The following CPNE3 variants were observed in gnomAD, a reference collection of about 807,000 sequenced individuals.
The protein encoded by CPNE3 is copine-3.
CPNE3 carries 68 observed loss-of-function variants against 63.9 expected under a neutral mutation model. The ratio of observed to expected loss-of-function variants is 1.06; its 90% confidence interval spans 0.87 to 1.30. CPNE3 has a LOEUF of 1.30. Ranked by LOEUF, CPNE3 falls within the 50% of genes most tolerant of loss-of-function variation. The pLI, the probability that CPNE3 is intolerant of heterozygous loss-of-function variation, is 0.00. For missense variants in CPNE3, 665 were observed against 578.1 expected, an observed-to-expected ratio of 1.15 and a Z score of -1.54; for synonymous variants, 219 against 197.5, an observed-to-expected ratio of 1.11 and a Z score of -0.91.
At chr8:86,517,780 G>C (rs987948944) in intron 2 of CPNE3, among the ~76,000 whole-genome samples, 1 of 152,132 alleles carries the variant, frequency 6.6e-6, no homozygotes, top group African/African-American at 2.4e-5. Context: ...TCCCTGATGG[G>C]GATGGTGGCC....
Position 86,553,749 on chromosome 8 carries a change from G to GTTT in CPNE3, c.1121-1087_1121-1085dup, listed in dbSNP as rs35185836. Among the ~76,000 whole-genome samples, 110 of 137,706 alleles carry GTTT rather than the reference G, an allele frequency of 8.0e-4. 1 individual carries two copies. The highest frequency in any genetic ancestry group is 2.2e-3 in the East Asian group (10 of 4,630). The allele number at this position is 137,706 out of a possible 152,430, so 90.3% of individuals were successfully genotyped here. A position where few individuals can be genotyped will look rare whatever the true frequency, so the allele number is the denominator to read the frequency against. The stretch of plus-strand genomic sequence containing the variant: ...AGAGACCTGTTTTGATTTACATTAA[G>GTTT]TTTTTTTTTTTTTTTTTGTGGCAAG... On this transcript the variant is annotated intron_variant, in intron 14 of 16. Coordinates refer to ENST00000517490, the MANE Select transcript of CPNE3 (RefSeq NM_003909.5).
Position 86,529,063 on chromosome 8 carries a change from A to G in CPNE3, c.251A>G (p.Asn84Ser). The change falls in exon 4 of 17, where the codon AAC becomes AGC. Residue 84 changes from asparagine to serine, a missense_variant. Asn to Ser is a conservative substitution (Grantham distance 46, BLOSUM62 1). Coordinates refer to ENST00000517490, the MANE Select transcript of CPNE3 (RefSeq NM_003909.5). ...KLKFGVYDID[N>S]KTIELSDDDF... The stretch of plus-strand genomic sequence containing the variant: ...AAATTTGGGGTTTATGACATCGACA[A>G]CAAAACTATTGAGCTGAGTGATGAT... 1 of 1,614,080 alleles carries G rather than the reference A, an allele frequency of 6.2e-7. No homozygotes were observed. Among genetic ancestry groups the G allele is most frequent in the Non-Finnish European group, 8.5e-7 (1 of 1,179,984 alleles).
rs892563018 is a variant in CPNE3 at position 86,560,117 on chromosome 8, C to G, written c.*1707C>G. On this transcript the variant is annotated 3_prime_UTR_variant, in exon 17 of 17. Transcript: ENST00000517490. ...ACTGGGGAAGGCATCTAACTAGTAG[C>G]CTGCTACTCCATAGTATGGCTCAAT... The G allele has an allele frequency of 6.6e-6, 1 of 152,150 alleles. No homozygotes were observed. The highest frequency in any genetic ancestry group is 2.4e-5 in the African/African-American group (1 of 41,418). 9.4% of individuals were successfully genotyped at this position (152,150 alleles called of 1,614,324 possible). A position where few individuals can be genotyped will look rare whatever the true frequency, so the allele number is the denominator to read the frequency against.
rs964993070 is a variant in CPNE3, at chr8:86,531,013, A to G, written c.313-142A>G. On this transcript the variant is annotated intron_variant, in intron 4 of 16. Transcript: ENST00000517490. ...GGCTCTAAATATGTAGATGATCTAA[A>G]TCTTTAAGAAACCAACTGAATGTTT... The G allele has an allele frequency of 9.8e-6, 6 of 611,012 alleles. No homozygotes were observed. In the African/African-American group the frequency reaches 1.1e-4, roughly 11 times the overall value. 37.8% of individuals were successfully genotyped at this position (611,012 alleles called of 1,614,324 possible). A position where few individuals can be genotyped will look rare whatever the true frequency, so the allele number is the denominator to read the frequency against.
chr8:86,545,986 A>G (rs532112579), intron 9 of CPNE3, among the ~76,000 whole-genome samples: 7 of 152,276 alleles, frequency 4.6e-5, no homozygotes, highest in Non-Finnish European at 1.0e-4. Context: ...ACTTGAGCCA[A>G]GCCCTAAAGA....
Position 86,547,717 on chromosome 8 carries a change from G to A in CPNE3, c.826G>A (p.Val276Ile), listed in dbSNP as rs1195710899. ...VISVKQCEIT[V>I]ECTFLDYIMG... ...AGTTTTCTCTTATTTTTAGATTACAGTAGAATGCACATTCCTTGACTATAT... is the reference window on the plus strand; with the variant it reads ...AGTTTTCTCTTATTTTTAGATTACAATAGAATGCACATTCCTTGACTATAT... The change falls in exon 11 of 17, where the codon GTA becomes ATA. Residue 276 changes from valine (V) to isoleucine (I), a missense_variant. Physicochemically the swap from Val to Ile is conservative, Grantham distance 29. Transcript: ENST00000517490. 1.6e-6 allele frequency: 2 copies of A among 1,255,696 alleles called. No homozygotes were observed. The highest frequency in any genetic ancestry group is 1.2e-5 in the South Asian group (1 of 82,236). 77.8% of individuals were successfully genotyped at this position (1,255,696 alleles called of 1,614,324 possible). A position where few individuals can be genotyped will look rare whatever the true frequency, so the allele number is the denominator to read the frequency against.
intron 4 of CPNE3, among the ~76,000 whole-genome samples, 168 bp downstream of exon 4, chr8:86,529,292 A>C (rs1446067496): frequency 6.6e-6 from 1 of 152,182 alleles, no homozygotes; most frequent in Non-Finnish European, 1.5e-5. Flanking sequence ...AATTCATCTT[A>C]TATTTTGTAT....
Position 86,559,071 on chromosome 8 carries a change from A to C in CPNE3, c.*661A>C, listed in dbSNP as rs922610753. 2 of 152,192 alleles carry C rather than the reference A, an allele frequency of 1.3e-5. No homozygotes were observed. The allele number at this position is 152,192 out of a possible 1,614,324, so 9.4% of individuals were successfully genotyped here. On this transcript the variant is annotated 3_prime_UTR_variant, in exon 17 of 17. Transcript: ENST00000517490. Reference sequence around the variant, plus strand: ...ACAATCAACAAGTAAAAATAACCTCATGTAAGTAAGCCATTTTTATTTGCC... The same window carrying C: ...ACAATCAACAAGTAAAAATAACCTCCTGTAAGTAAGCCATTTTTATTTGCC...
In CPNE3 at chr8:86,559,584, GA is replaced by G. The variant is rs1329188764; in HGVS notation, c.*1180del. ...CCTACTGCAACTTAGAAAAAGGAAA[GA>G]AAAAAGAAAACTTTTCCAACTGCTG... On this transcript the variant is annotated 3_prime_UTR_variant, in exon 17 of 17. Transcript: ENST00000517490. 6.6e-6 allele frequency: 1 copy of G among 150,506 alleles called. No individual in the cohort carries two copies. Among genetic ancestry groups the G allele is most frequent in the Non-Finnish European group, 1.5e-5 (1 of 67,696 alleles). 9.3% of individuals were successfully genotyped at this position (150,506 alleles called of 1,614,324 possible).
intron 10 of CPNE3, 36 bp from the exon 11 acceptor site, chr8:86,547,675 G>A (rs780681599): frequency 2.3e-6 from 2 of 877,012 alleles, no homozygotes; most frequent in African/African-American, 1.7e-5. Flanking sequence ...TTGTATAGTA[G>A]GAGAGTTGTA....
intron 6 of CPNE3, among the ~76,000 whole-genome samples, chr8:86,535,234 A>G (rs1292029987): frequency 6.6e-6 from 1 of 152,158 alleles, no homozygotes; most frequent in African/African-American, 2.4e-5. Context: ...TTTAGAGACC[A>G]CAGTCCACTG....
intron 8 of CPNE3, among the ~76,000 whole-genome samples, chr8:86,541,238 C>T (rs1043200290): frequency 2.0e-5 from 3 of 152,184 alleles, no homozygotes; most frequent in African/African-American, 7.2e-5. Context: ...GGTAACCACA[C>T]TTCTTCACAT....
At chr8:86,528,116 T>C (rs184793725) in intron 2 of CPNE3, among the ~76,000 whole-genome samples, 3 of 151,720 alleles carry the variant, frequency 2.0e-5, no homozygotes, top group Admixed American at 2.0e-4. Context: ...GCTTGGCTAA[T>C]TTTTTTTATT....
intron 16 of CPNE3, among the ~76,000 whole-genome samples, chr8:86,556,720 G>C (rs1821334344): frequency 1.3e-5 from 2 of 152,118 alleles, no homozygotes; most frequent in Non-Finnish European, 2.9e-5. Context: ...CAGAGCTATA[G>C]TACAGAATCA....
At chr8:86,516,700 T>G (rs1820320389) in intron 2 of CPNE3, among the ~76,000 whole-genome samples, 1 of 152,210 alleles carries the variant, frequency 6.6e-6, no homozygotes, top group Non-Finnish European at 1.5e-5. Flanking sequence ...CTATCAATTC[T>G]TGGTATGGCT....
intron 14 of CPNE3, among the ~76,000 whole-genome samples, chr8:86,552,422 T>A (rs1452681755): frequency 1.3e-5 from 2 of 152,198 alleles, no homozygotes; most frequent in Non-Finnish European, 2.9e-5. Flanking sequence ...GAAATATGCT[T>A]CATTTTTATA....
At chr8:86,539,798 G>C (rs1044204553) in intron 7 of CPNE3, among the ~76,000 whole-genome samples, 24 of 151,428 alleles carry the variant, frequency 1.6e-4, no homozygotes, top group African/African-American at 5.3e-4. Flanking sequence ...GAGTAGCTAG[G>C]ATTATAGGCA....
chr8:86,552,405 T>C (rs1821201698), intron 14 of CPNE3, among the ~76,000 whole-genome samples: 1 of 152,214 alleles, frequency 6.6e-6, no homozygotes, highest in Non-Finnish European at 1.5e-5. Context: ...AATGTTATTC[T>C]TTTTAAGAAA....
intron 9 of CPNE3, 51 bp from the exon 10 acceptor site, chr8:86,546,544 A>T (rs762730816): frequency 3.2e-6 from 5 of 1,571,466 alleles, no homozygotes; most frequent in Non-Finnish European, 1.7e-6. Context: ...TCACATTGGC[A>T]TTTCTAATAT....
Sources: gnomAD v4.1 joint callset for allele counts (sites outside exome capture counted in the v4.1 genomes callset) on GRCh38, gnomAD v4.1.1 for gene constraint, MANE v1.5 for transcripts, NCBI Gene and HGNC (gene_info 2026-07-23, HGNC 2026-07-21) for gene names.